SHOC2: variants seen among roughly 807,000 people sequenced by gnomAD.
SHOC2 encodes SHOC2 leucine rich repeat scaffold protein.
A neutral mutation model predicts 50.2 loss-of-function variants in SHOC2; 4 were observed. That is an observed-to-expected ratio of 0.08 (90% CI 0.04 to 0.18). SHOC2 has a LOEUF of 0.18. Ranked by LOEUF, SHOC2 falls within the 10% of genes least tolerant of loss-of-function variation. SHOC2 has a pLI of 1.00. For missense variants in SHOC2, 388 were observed against 669.6 expected (o/e 0.58, Z 4.64); for synonymous variants, 218 against 244.5 (o/e 0.89, Z 1.01).
chr10:110,959,120 C>T (rs1257550634), intron 1 of SHOC2, among the ~76,000 whole-genome samples: 3 of 152,086 alleles, frequency 2.0e-5, no homozygotes, highest in Non-Finnish European at 4.4e-5. Context: ...TTTTATGTTT[C>T]AGTATTTAAG....
chr10:110,992,936 C>T (rs1019374642), intron 3 of SHOC2, among the ~76,000 whole-genome samples: 21 of 152,126 alleles, frequency 1.4e-4, no homozygotes, highest in African/African-American at 4.8e-4. Flanking sequence ...AGATTATGAT[C>T]ATTTAAATTA....
chr10:110,953,989 G>A (rs1208365189), intron 1 of SHOC2, among the ~76,000 whole-genome samples: 1 of 150,982 alleles, frequency 6.6e-6, no homozygotes, highest in Non-Finnish European at 1.5e-5. Flanking sequence ...TATAAGCACT[G>A]ATTTAGTTTT....
At chr10:110,970,200 C>T (rs1847752706) in intron 2 of SHOC2, among the ~76,000 whole-genome samples, 1 of 152,096 alleles carries the variant, frequency 6.6e-6, no homozygotes. Context: ...TCCCGCTGCT[C>T]CCCAACCCCC....
At chr10:110,975,357 G>A (rs535679768) in intron 2 of SHOC2, among the ~76,000 whole-genome samples, 4 of 152,018 alleles carry the variant, frequency 2.6e-5, no homozygotes, top group African/African-American at 4.8e-5. Flanking sequence ...GGGTTTCACC[G>A]TGTCTCGATC....
chr10:110,919,809 G>T (rs2134059934), intron 1 of SHOC2, among the ~76,000 whole-genome samples, 152 bp downstream of exon 1: 1 of 151,104 alleles, frequency 6.6e-6, no homozygotes, highest in South Asian at 2.1e-4. Context: ...GAGGCCCGAG[G>T]GGCCGGGGCC....
chr10:110,933,454 A>T (rs1846934393), intron 1 of SHOC2, among the ~76,000 whole-genome samples: 1 of 152,224 alleles, frequency 6.6e-6, no homozygotes, highest in Non-Finnish European at 1.5e-5. Flanking sequence ...ATTTATAGTA[A>T]GAATCTTAAT....
intron 2 of SHOC2, among the ~76,000 whole-genome samples, chr10:110,969,635 CTCTT>C (rs1366531281): frequency 6.6e-6 from 1 of 152,038 alleles, no homozygotes; most frequent in Non-Finnish European, 1.5e-5. Context: ...AGGATTTCTT[CTCTT>C]TCTTTAAAGT....
At chr10:110,992,283 G>A (rs1005068760) in intron 3 of SHOC2, among the ~76,000 whole-genome samples, 1 of 152,056 alleles carries the variant, frequency 6.6e-6, no homozygotes, top group Non-Finnish European at 1.5e-5. Context: ...GTAAGAGAGT[G>A]CTTAAATACA....
intron 1 of SHOC2, among the ~76,000 whole-genome samples, chr10:110,928,374 A>G (rs1425257687): frequency 2.0e-5 from 3 of 152,114 alleles, no homozygotes; most frequent in African/African-American, 7.2e-5. Flanking sequence ...TGAGAACCAG[A>G]TACTGAAATT....
Position 110,964,692 on chromosome 10 carries a change from A to T in SHOC2, c.334A>T (p.Ile112Leu), listed in dbSNP as rs1418386730. ...SMRLDLSKRS[I>L]HILPSSIKEL... ...GCGTTTGGACTTATCCAAGAGATCTATACACATATTGCCATCATCAATCAA... is the reference window on the plus strand; with the variant it reads ...GCGTTTGGACTTATCCAAGAGATCTTTACACATATTGCCATCATCAATCAA... The change falls in exon 2 of 9, where the codon ATA becomes TTA. Residue 112 changes from isoleucine (I) to leucine (L), a missense_variant. By Grantham distance (5) the Ile-to-Leu change is conservative. Coordinates refer to ENST00000369452, the MANE Select transcript of SHOC2 (RefSeq NM_007373.4). This position sits in a 1 kb window ranked among gnomAD's most constrained non-coding sequence, Gnocchi z 4.9. 2 of 1,614,162 alleles carry T rather than the reference A, an allele frequency of 1.2e-6. No individual in the cohort carries two copies. The highest frequency in any genetic ancestry group is 2.2e-5 in the South Asian group (2 of 91,086).
intron 1 of SHOC2, among the ~76,000 whole-genome samples, chr10:110,938,395 AT>A (rs1431678039): frequency 1.3e-5 from 2 of 152,140 alleles, no homozygotes; most frequent in Non-Finnish European, 2.9e-5. Context: ...GGAGCTTTCA[AT>A]TTTTAGCCTT....
intron 2 of SHOC2, among the ~76,000 whole-genome samples, chr10:110,981,959 C>T (rs1242094441): frequency 1.4e-5 from 2 of 141,020 alleles, no homozygotes; most frequent in African/African-American, 5.2e-5. Context: ...CACCCACTAA[C>T]TTGTCATCTA....
intron 1 of SHOC2, among the ~76,000 whole-genome samples, chr10:110,961,624 G>A (rs1435144187): frequency 6.6e-6 from 1 of 152,094 alleles, no homozygotes; most frequent in Non-Finnish European, 1.5e-5. Flanking sequence ...AATCTCATTA[G>A]GTACAAGTGC....
At chr10:110,957,144 G>A (rs1847479616) in intron 1 of SHOC2, among the ~76,000 whole-genome samples, 1 of 152,146 alleles carries the variant, frequency 6.6e-6, no homozygotes, top group African/African-American at 2.4e-5. Flanking sequence ...GGTACCTTTG[G>A]TTGTAGTATT....
At chr10:110,948,172 T>C (rs1051425319) in intron 1 of SHOC2, among the ~76,000 whole-genome samples, 2 of 152,184 alleles carry the variant, frequency 1.3e-5, no homozygotes, top group East Asian at 1.9e-4. Context: ...CCAGAAGATA[T>C]AATAGTTGTA....
chr10:110,994,640 G>A (rs1470884785), intron 3 of SHOC2, among the ~76,000 whole-genome samples: 1 of 152,108 alleles, frequency 6.6e-6, no homozygotes, highest in Non-Finnish European at 1.5e-5. Flanking sequence ...GAGGGGAGAA[G>A]CATATAGAAT....
At chr10:110,952,925 G>A (rs1434620696) in intron 1 of SHOC2, among the ~76,000 whole-genome samples, 4 of 152,278 alleles carry the variant, frequency 2.6e-5, no homozygotes, top group Middle Eastern at 3.4e-3. Context: ...AGTATTCCAT[G>A]GTATATATGT....
intron 1 of SHOC2, among the ~76,000 whole-genome samples, chr10:110,924,727 T>C (rs1846722159): frequency 6.6e-6 from 1 of 152,064 alleles, no homozygotes; most frequent in Non-Finnish European, 1.5e-5. Context: ...AATATATCAG[T>C]GTAACGTGGG....
At chr10:110,988,928 A>T (rs773111219) in intron 3 of SHOC2, 4 of 491,928 alleles carry the variant, frequency 8.1e-6, no homozygotes, top group Non-Finnish European at 1.7e-5. Flanking sequence ...CTATGGCTTT[A>T]TTAGGTTGGT....
Sources: allele counts gnomAD v4.1 joint callset (sites outside exome capture counted in the v4.1 genomes callset), GRCh38; gene constraint gnomAD v4.1.1; non-coding constraint Gnocchi (gnomAD v3.1); transcripts MANE v1.5; gene names NCBI Gene and HGNC (gene_info 2026-07-23, HGNC 2026-07-21).